Variants in DMD observed in about 807,000 individuals in gnomAD.
The protein encoded by DMD is dystrophin.
DMD carries 63 observed loss-of-function variants against 330.1 expected under a neutral mutation model. The ratio of observed to expected loss-of-function variants is 0.19; its 90% CI spans 0.16 to 0.24. DMD has a LOEUF of 0.24. Among genes scored for constraint, DMD ranks in the 10% least tolerant of loss-of-function variants. The pLI, the probability that DMD is intolerant of heterozygous loss-of-function variation, is 1.00. For missense variants in DMD, 3,344 were observed against 2,684.1 expected (o/e 1.25, Z -5.43); for synonymous variants, 1,223 against 959.8 (o/e 1.27, Z -5.07).
chrX:31,499,623 C>T (rs1168065712), intron 56 of DMD, among the ~76,000 whole-genome samples: 1 of 109,191 alleles, frequency 9.2e-6, no homozygotes, highest in African/African-American at 3.4e-5. Context: ...TCCCAAGTGG[C>T]TGGGATTACA....
Position 31,546,382 on chromosome X carries a change from C to T in DMD, c.8218-38929G>A, listed in dbSNP as rs775409293. On this transcript the variant is annotated intron_variant, in intron 55 of 78. Transcript: ENST00000357033. ...CCCCAGGGCCTTGCCTGAGCTGAAG[C>T]TAGAACGTGGCTTTGCACCCTGGAA... Among the ~76,000 whole-genome samples the T allele has an allele frequency of 1.3e-4, 14 of 111,801 alleles. 1 individual carries two copies. The highest frequency in any genetic ancestry group is 1.2e-3 in the Admixed American group (13 of 10,521).
intron 60 of DMD, among the ~76,000 whole-genome samples, chrX:31,401,560 C>T (rs747847360): frequency 2.6e-4 from 29 of 111,434 alleles, no homozygotes; most frequent in African/African-American, 9.4e-4. Flanking sequence ...AACCCTGTAA[C>T]ATAGGTACTA....
At chrX:33,179,566 C>T (rs1372781190) in intron 1 of DMD, among the ~76,000 whole-genome samples, 6 of 108,157 alleles carry the variant, frequency 5.5e-5, no homozygotes, top group Admixed American at 9.9e-5. Flanking sequence ...TGGTGGCGGG[C>T]GCCTGTAGTC....
chrX:31,452,432 A>T (rs949910776), intron 59 of DMD, among the ~76,000 whole-genome samples: 3 of 108,758 alleles, frequency 2.8e-5, no homozygotes, highest in African/African-American at 1.0e-4. Context: ...AAAACAGAAA[A>T]ATTAGCCGGG....
At chrX:31,440,488 G>C (rs1021099644) in intron 60 of DMD, among the ~76,000 whole-genome samples, 7 of 112,054 alleles carry the variant, frequency 6.2e-5, no homozygotes, top group Admixed American at 9.5e-5. Context: ...AGGATTTTGA[G>C]AAGAGGAGAC....
intron 53 of DMD, among the ~76,000 whole-genome samples, chrX:31,677,921 A>G (rs753486579): frequency 7.8e-4 from 87 of 112,198 alleles, no homozygotes; most frequent in Non-Finnish European, 1.4e-3. Flanking sequence ...AGTGATATAC[A>G]TAATTTCCAG....
At chrX:32,922,869 T>C (rs900643656) in intron 2 of DMD, among the ~76,000 whole-genome samples, 7 of 112,472 alleles carry the variant, frequency 6.2e-5, no homozygotes, top group Non-Finnish European at 1.3e-4. Flanking sequence ...TATTGGTATA[T>C]AAATCTTACA....
chrX:32,628,959 A>G (rs1383266210), intron 11 of DMD, among the ~76,000 whole-genome samples: 1 of 112,132 alleles, frequency 8.9e-6, no homozygotes, highest in African/African-American at 3.2e-5. Context: ...AAAATTATCC[A>G]TGTGCTGAGA....
At chrX:33,118,332 G>A (rs1450046280) in intron 1 of DMD, among the ~76,000 whole-genome samples, 1 of 109,597 alleles carries the variant, frequency 9.1e-6, no homozygotes, top group Admixed American at 9.8e-5. Flanking sequence ...GGATGGTCTC[G>A]ATCTCCTGAC....
intron 1 of DMD, among the ~76,000 whole-genome samples, chrX:33,067,338 G>T (rs918079193): frequency 8.9e-6 from 1 of 112,174 alleles, no homozygotes; most frequent in African/African-American, 3.2e-5. Flanking sequence ...AGAAATAAAT[G>T]ATTACTAATT....
At chrX:31,944,629 C>T (rs1485598357) in intron 45 of DMD, among the ~76,000 whole-genome samples, 2 of 105,655 alleles carry the variant, frequency 1.9e-5, no homozygotes, top group Non-Finnish European at 3.9e-5. Flanking sequence ...AGGCGCCCGC[C>T]ACCACTCCTG....
intron 1 of DMD, among the ~76,000 whole-genome samples, chrX:33,175,120 A>G (rs973515862): frequency 8.9e-6 from 1 of 112,009 alleles, no homozygotes; most frequent in South Asian, 3.7e-4. Context: ...CACCTTCTGT[A>G]TCAGAAGGAT....
chrX:32,785,359 C>T (rs1327354039), intron 7 of DMD, among the ~76,000 whole-genome samples: 1 of 111,143 alleles, frequency 9.0e-6, no homozygotes, highest in East Asian at 2.8e-4. Context: ...CATTTTCATT[C>T]CATCTGCAAG....
At chrX:31,284,948 C>T (rs1378043886) in intron 62 of DMD, among the ~76,000 whole-genome samples, 1 of 109,826 alleles carries the variant, frequency 9.1e-6, no homozygotes, top group Non-Finnish European at 1.9e-5. Flanking sequence ...CTGACTGGTG[C>T]CTTGCATCTC....
chrX:31,373,450 TG>T (rs201299878), intron 60 of DMD, among the ~76,000 whole-genome samples: 5,200 of 99,742 alleles, frequency 0.052, 330 homozygotes, highest in African/African-American at 0.17. Flanking sequence ...CAAAACAGCA[TG>T]GTACTGGTAC....
intron 42 of DMD, among the ~76,000 whole-genome samples, chrX:32,288,941 G>A (rs1367815428): frequency 9.0e-6 from 1 of 111,337 alleles, no homozygotes. Context: ...AAGAAGGATG[G>A]GTAATATAAA....
chrX:31,194,875 T>C (rs929716890), intron 67 of DMD, among the ~76,000 whole-genome samples: 1 of 111,520 alleles, frequency 9.0e-6, no homozygotes, highest in African/African-American at 3.3e-5. Flanking sequence ...TAACGCAAAA[T>C]TGATTTCCTT....
intron 4 of DMD, among the ~76,000 whole-genome samples, chrX:32,825,752 G>A (rs1240343238): frequency 1.8e-5 from 2 of 111,589 alleles, no homozygotes; most frequent in Admixed American, 1.9e-4. Flanking sequence ...TATGCTAAGT[G>A]AAATAAGCAA....
At chrX:32,368,789 G>T (rs747931568) in intron 34 of DMD, among the ~76,000 whole-genome samples, 1 of 111,869 alleles carries the variant, frequency 8.9e-6, no homozygotes, top group South Asian at 3.7e-4. Context: ...TCTGCCTTGT[G>T]AGGTGAGAAG....
Sources: allele counts gnomAD v4.1 joint callset (sites outside exome capture counted in the v4.1 genomes callset), GRCh38; gene constraint gnomAD v4.1.1; transcripts MANE v1.5; gene names NCBI Gene and HGNC (gene_info 2026-07-23, HGNC 2026-07-21).